Variants in B3GALT5 observed in about 807,000 individuals in gnomAD.
The protein encoded by B3GALT5 is UDP-Gal:betaGlcNAc beta 1,3-galactosyltransferase, polypeptide 5.
For synonymous variants in B3GALT5, 156 were observed against 158.6 expected, an observed-to-expected ratio of 0.98 and a Z score of 0.12; for missense variants, 328 against 396.6, an observed-to-expected ratio of 0.83 and a Z score of 1.47.
chr21:39,634,791 A>G (rs79420836), intron 1 of B3GALT5, among the ~76,000 whole-genome samples: 1,531 of 152,270 alleles, frequency 0.01, 25 homozygotes, highest in African/African-American at 0.035. Context: ...CCCGAGGAAC[A>G]GAAGTCATCA....
chr21:39,657,070 G>A (rs953013520), intron 2 of B3GALT5, among the ~76,000 whole-genome samples: 2 of 152,206 alleles, frequency 1.3e-5, no homozygotes, highest in South Asian at 2.1e-4. Flanking sequence ...AGGTCTACAC[G>A]TTCTGCACTG....
At chr21:39,643,532 A>C (rs934645556) in intron 1 of B3GALT5, among the ~76,000 whole-genome samples, 3 of 152,164 alleles carry the variant, frequency 2.0e-5, no homozygotes, top group Non-Finnish European at 4.4e-5. Context: ...TGTTTTATGT[A>C]GGTGACAGGC....
At position 39,639,393 on chromosome 21, in the gene B3GALT5, T is replaced by TC. The variant is rs1228603521; in HGVS notation, c.-391-6998dup. Among the ~76,000 whole-genome samples the TC allele has an allele frequency of 7.2e-3, 687 of 95,376 alleles. 14 individuals carry two copies. Among genetic ancestry groups the TC allele is most frequent in the East Asian group, 0.019 (63 of 3,386 alleles). The allele number at this position is 95,376 out of a possible 152,430, so 62.6% of individuals were successfully genotyped here. On this transcript the variant is annotated intron_variant, in intron 1 of 3. Transcript: ENST00000684187. ...TTCCTTCCTTCCTTCCTTCCTTCCT[T>TC]CTTTCTTTTTCTTTCTTTCTTTCTT...
rs1374259749 is a variant in B3GALT5, at chr21:39,670,692, G to A, written c.*9200G>A. On this transcript the variant is annotated 3_prime_UTR_variant, in exon 4 of 4. Transcript: ENST00000684187. ...TTTTTTTACAGGCAAGAACTGAGGA[G>A]GCAATACTATTTAGAATCCTTGATA... is the stretch of plus-strand genomic sequence containing the variant. 1 of 151,826 alleles carries A rather than the reference G, an allele frequency of 6.6e-6. No individual in the cohort carries two copies. Among genetic ancestry groups the A allele is most frequent in the African/African-American group, 2.4e-5 (1 of 41,280 alleles). The allele number at this position is 151,826 out of a possible 1,614,324, so 9.4% of individuals were successfully genotyped here. A position where few individuals can be genotyped will look rare whatever the true frequency, so the allele number is the denominator to read the frequency against.
At chr21:39,650,363 A>G (rs2079382974) in intron 2 of B3GALT5, among the ~76,000 whole-genome samples, 1 of 152,188 alleles carries the variant, frequency 6.6e-6, no homozygotes, top group Non-Finnish European at 1.5e-5. Context: ...TTCACTGGTC[A>G]GCTGCAAAAG....
At chr21:39,647,306 G>A (rs1011031628) in intron 2 of B3GALT5, among the ~76,000 whole-genome samples, 1 of 152,180 alleles carries the variant, frequency 6.6e-6, no homozygotes. Context: ...ATGGCTTCGT[G>A]TAGCACAATT....
intron 1 of B3GALT5, among the ~76,000 whole-genome samples, chr21:39,639,575 G>A (rs1048739275): frequency 1.3e-5 from 2 of 150,964 alleles, no homozygotes; most frequent in South Asian, 2.1e-4. Context: ...CACCTCCTGG[G>A]TTCAAGCAAT....
At position 39,665,038 on chromosome 21, in the gene B3GALT5, TCCACTGC is replaced by T; in HGVS notation, c.*3548_*3554del. ...CCTAGAACTCTTTCTTGCTCTTCAA[TCCACTGC>T]CTACCTGATTTCCCATAGTGAACAA... On this transcript the variant is annotated 3_prime_UTR_variant, in exon 4 of 4. Coordinates refer to ENST00000684187, the MANE Select transcript of B3GALT5 (RefSeq NM_001356336.2). 1 of 152,234 alleles carries T rather than the reference TCCACTGC, an allele frequency of 6.6e-6. No homozygotes were observed. Among genetic ancestry groups the T allele is most frequent in the Non-Finnish European group, 1.5e-5 (1 of 68,146 alleles). The allele number at this position is 152,234 out of a possible 1,614,324, so 9.4% of individuals were successfully genotyped here.
intron 1 of B3GALT5, among the ~76,000 whole-genome samples, chr21:39,629,194 T>C (rs2079179413): frequency 6.6e-6 from 1 of 152,144 alleles, no homozygotes; most frequent in South Asian, 2.1e-4. Context: ...TCCATATTTT[T>C]AGTAGAGACG....
rs1394341767 is a variant in B3GALT5 at position 39,671,277 on chromosome 21, A to T, written c.*9785A>T. On this transcript the variant is annotated 3_prime_UTR_variant, in exon 4 of 4. Transcript: ENST00000684187. ...TGTAGCAGGAATTATTTGCTTTCTC[A>T]TAACATTTTTTTAATTAATTAATTT... The T allele has an allele frequency of 6.6e-6, 1 of 152,222 alleles. No individual in the cohort carries two copies. Among genetic ancestry groups the T allele is most frequent in the Non-Finnish European group, 1.5e-5 (1 of 68,036 alleles). The allele number at this position is 152,222 out of a possible 1,614,324, so 9.4% of individuals were successfully genotyped here.
At chr21:39,659,173 C>T (rs1423917866) in intron 2 of B3GALT5, among the ~76,000 whole-genome samples, 1 of 152,158 alleles carries the variant, frequency 6.6e-6, no homozygotes, top group Non-Finnish European at 1.5e-5. Context: ...CGCTTGAGCC[C>T]AGGAGTTCAG....
At chr21:39,637,483 T>C (rs2079236714) in intron 1 of B3GALT5, among the ~76,000 whole-genome samples, 1 of 152,250 alleles carries the variant, frequency 6.6e-6, no homozygotes, top group Non-Finnish European at 1.5e-5. Flanking sequence ...TACGACGTTT[T>C]CAACTGAAAA....
At chr21:39,631,882 G>T (rs1057285915) in intron 1 of B3GALT5, among the ~76,000 whole-genome samples, 2 of 152,166 alleles carry the variant, frequency 1.3e-5, no homozygotes, top group African/African-American at 2.4e-5. Context: ...CACTGAGGGG[G>T]CTACATTTGG....
chr21:39,672,480 T>A lies in B3GALT5; in HGVS notation c.*10988T>A, dbSNP rs2079638717. On this transcript the variant is annotated 3_prime_UTR_variant, in exon 4 of 4. Coordinates refer to ENST00000684187, the MANE Select transcript of B3GALT5 (RefSeq NM_001356336.2). ...TTTGAAACTGTCATTTCCTTGTATA[T>A]TAGGGGGATCTGCTAGACTCTTATG... 6.6e-6 allele frequency: 1 copy of A among 152,248 alleles called. No homozygotes were observed. Among genetic ancestry groups the A allele is most frequent in the Admixed American group, 6.5e-5 (1 of 15,290 alleles). 9.4% of individuals were successfully genotyped at this position (152,248 alleles called of 1,614,324 possible). A position where few individuals can be genotyped will look rare whatever the true frequency, so the allele number is the denominator to read the frequency against.
intron 1 of B3GALT5, among the ~76,000 whole-genome samples, chr21:39,632,957 A>G (rs2079201988): frequency 6.6e-6 from 1 of 152,196 alleles, no homozygotes; most frequent in Non-Finnish European, 1.5e-5. Context: ...CCACTGAGCT[A>G]GGTAGGTCCT....
Position 39,667,018 on chromosome 21 carries a change from C to G in B3GALT5, c.*5526C>G, listed in dbSNP as rs2079584172. 6.6e-6 allele frequency: 1 copy of G among 152,206 alleles called. No individual in the cohort carries two copies. The highest frequency in any genetic ancestry group is 2.4e-5 in the African/African-American group (1 of 41,440). 9.4% of individuals were successfully genotyped at this position (152,206 alleles called of 1,614,324 possible). A position where few individuals can be genotyped will look rare whatever the true frequency, so the allele number is the denominator to read the frequency against. ...AATCTGATTAGGAAACTCAGAGGCC[C>G]AGGGAAGCCAGTGACTTGCCCTCTG... On this transcript the variant is annotated 3_prime_UTR_variant, in exon 4 of 4. Transcript: ENST00000684187.
intron 1 of B3GALT5, among the ~76,000 whole-genome samples, chr21:39,614,944 C>T (rs930304923): frequency 3.9e-5 from 6 of 152,186 alleles, no homozygotes; most frequent in African/African-American, 1.4e-4. Context: ...CCCGGGTGAC[C>T]GGGATACTGA....
intron 1 of B3GALT5, among the ~76,000 whole-genome samples, chr21:39,645,733 T>C (rs901769333): frequency 1.3e-5 from 2 of 152,174 alleles, no homozygotes; most frequent in East Asian, 3.9e-4. Context: ...CTGTTGTCCC[T>C]GTTCCAGTTG....
At chr21:39,640,753 T>C (rs1017696706) in intron 1 of B3GALT5, among the ~76,000 whole-genome samples, 14 of 152,110 alleles carry the variant, frequency 9.2e-5, no homozygotes, top group Non-Finnish European at 1.9e-4. Context: ...GATGCTTTTT[T>C]TGTTTGTTTT....
Sources: allele counts gnomAD v4.1 joint callset (sites outside exome capture counted in the v4.1 genomes callset), GRCh38; gene constraint gnomAD v4.1.1; transcripts MANE v1.5; gene names NCBI Gene and HGNC (gene_info 2026-07-23, HGNC 2026-07-21).